The following RUFY4 variants were observed in gnomAD, a reference collection of about 807,000 sequenced individuals.
RUFY4 encodes RUN and FYVE domain containing 4.
In RUFY4, 73 loss-of-function variants were observed where a neutral mutation model predicts 69.0. That is an observed-to-expected ratio of 1.06 (90% CI 0.88 to 1.29). The LOEUF (loss-of-function observed/expected upper bound fraction) is 1.29, where lower values mean the gene tolerates loss of function less well. RUFY4 is among the 50% of genes most tolerant of loss of function. RUFY4 has a pLI of 0.00. For missense variants in RUFY4, 770 were observed against 705.6 expected, an observed-to-expected ratio of 1.09 and a Z score of -1.03; for synonymous variants, 287 against 271.8, an observed-to-expected ratio of 1.06 and a Z score of -0.55.
intron 8 of RUFY4, among the ~76,000 whole-genome samples, chr2:218,078,785 C>T (rs996852822): frequency 1.3e-5 from 2 of 152,170 alleles, no homozygotes; most frequent in African/African-American, 4.8e-5. Context: ...TTTCCCAGCT[C>T]TAGGTAACAC....
chr2:218,050,991 A>T (rs994453815), intron 2 of RUFY4, among the ~76,000 whole-genome samples: 26 of 152,226 alleles, frequency 1.7e-4, no homozygotes, highest in African/African-American at 6.3e-4. Context: ...AAGTTATGTT[A>T]AAGTAAGTGA....
intron 9 of RUFY4, among the ~76,000 whole-genome samples, chr2:218,087,262 G>C (rs1457732831): frequency 6.6e-6 from 1 of 151,998 alleles, no homozygotes; most frequent in Non-Finnish European, 1.5e-5. Context: ...ATGTAGAGAT[G>C]GAGCACTTGA....
intron 3 of RUFY4, chr2:218,059,929 A>G (rs1689143773): frequency 5.8e-6 from 1 of 171,138 alleles, no homozygotes; most frequent in Non-Finnish European, 1.4e-5. Context: ...ACAACATTTT[A>G]CATTCCCGCT....
intron 9 of RUFY4, among the ~76,000 whole-genome samples, chr2:218,085,186 A>G (rs1028792318): frequency 8.5e-5 from 13 of 152,210 alleles, no homozygotes; most frequent in Admixed American, 7.2e-4. Context: ...AAAGGGAAAG[A>G]CAGAGTAACT....
At chr2:218,064,580 C>G (rs1050501619), upstream of RUFY4, among the ~76,000 whole-genome samples, 1 of 152,148 alleles carries the variant, frequency 6.6e-6, no homozygotes, top group African/African-American at 2.4e-5. Flanking sequence ...GTTGGGGATA[C>G]AGGAGTGGCC....
chr2:218,067,976 C>A (rs1231099076), upstream of RUFY4, among the ~76,000 whole-genome samples: 1 of 152,220 alleles, frequency 6.6e-6, no homozygotes, highest in Admixed American at 6.5e-5. Flanking sequence ...TTACCCATCC[C>A]TGGTGATGCC....
chr2:218,085,706 C>A lies in RUFY4; in HGVS notation c.1502+2450C>A, dbSNP rs370144848. Among the ~76,000 whole-genome samples, 9 of 152,278 alleles carry A rather than the reference C, an allele frequency of 5.9e-5. No individual in the cohort carries two copies. The East Asian group carries it at 1.7e-3, about 29-fold the overall frequency. On this transcript the variant is annotated intron_variant, in intron 9 of 10. Coordinates refer to ENST00000344321, the Ensembl canonical transcript of RUFY4. ...GCCTGCCTCCCCACATGCAGAATATCCAGCACTCAGGGGCCTATCTCCCAA... is the reference window on the plus strand; with the variant it reads ...GCCTGCCTCCCCACATGCAGAATATACAGCACTCAGGGGCCTATCTCCCAA...
upstream of RUFY4, among the ~76,000 whole-genome samples, chr2:218,067,909 T>G (rs1370621192): frequency 6.6e-6 from 1 of 151,530 alleles, no homozygotes; most frequent in Non-Finnish European, 1.5e-5. Flanking sequence ...GGACATGGGG[T>G]GAAGCAAGGA....
chr2:218,063,524 G>A (rs1239019669), intron 3 of RUFY4, among the ~76,000 whole-genome samples: 1 of 152,208 alleles, frequency 6.6e-6, no homozygotes, highest in Non-Finnish European at 1.5e-5. Context: ...CCCCATCCTA[G>A]GGATATACCC....
chr2:218,071,021 C>T (rs942549200), intron 2 of RUFY4, among the ~76,000 whole-genome samples, 162 bp downstream of exon 4: 19 of 152,212 alleles, frequency 1.2e-4, no homozygotes, highest in African/African-American at 4.1e-4. Context: ...GAGTTTGTCA[C>T]TGCAGCCTAA....
At chr2:218,041,434 A>G (rs1688694563) in intron 2 of RUFY4, among the ~76,000 whole-genome samples, 1 of 152,220 alleles carries the variant, frequency 6.6e-6, no homozygotes, top group Non-Finnish European at 1.5e-5. Context: ...ATCTTTCTCC[A>G]TATATTTAGG....
intron 2 of RUFY4, among the ~76,000 whole-genome samples, chr2:218,051,792 T>C (rs551557102): frequency 1.3e-5 from 2 of 152,294 alleles, no homozygotes; most frequent in South Asian, 2.1e-4. Context: ...AGACTGGTCT[T>C]CTATGTTTGA....
chr2:218,072,512 A>G lies in RUFY4; in HGVS notation c.279+13A>G. On this transcript the variant is annotated intron_variant, in intron 3 of 10. Transcript: ENST00000344321. ...TTCCCAGGACAAGGTATCCAGGGCC[A>G]GGCAGCAAGAAGGCTGACGGGGTGG... The G allele has an allele frequency of 6.5e-7, 1 of 1,536,292 alleles. No homozygotes were observed. The highest frequency in any genetic ancestry group is 8.7e-7 in the Non-Finnish European group (1 of 1,146,810).
Position 218,072,889 on chromosome 2 carries a change from G to A in RUFY4, c.386+4G>A. The A allele has an allele frequency of 6.6e-7, 1 of 1,518,278 alleles. No individual in the cohort carries two copies. The highest frequency in any genetic ancestry group is 8.8e-7 in the Non-Finnish European group (1 of 1,138,128). The allele number at this position is 1,518,278 out of a possible 1,614,324, so 94.1% of individuals were successfully genotyped here. On this transcript the variant is annotated splice_donor_region_variant and intron_variant, in intron 4 of 10. Coordinates refer to ENST00000344321, the Ensembl canonical transcript of RUFY4. ...TCCTGAACTCAGAGCTCACCAGGTG[G>A]GGCTGTTGGGACATCCTCCTGCCGA... is the stretch of plus-strand genomic sequence containing the variant.
exon 2 of RUFY4, chr2:218,070,846 A>T: frequency 6.5e-7 from 1 of 1,536,086 alleles, no homozygotes; most frequent in South Asian, 1.2e-5. Context: ...GGCTGCCTGG[A>T]GCTGCTGCTG....
rs577276805 is a variant in RUFY4, at chr2:218,089,604, G to A, written c.1613+242G>A. On this transcript the variant is annotated intron_variant, in intron 10 of 10. Coordinates refer to ENST00000344321, the Ensembl canonical transcript of RUFY4. Reference sequence around the variant, plus strand: ...AGTGGGATTGGGTCCCCCTCCAAGAGCCGATTGAGAAATGGGCCTCTCATC... The same window carrying A: ...AGTGGGATTGGGTCCCCCTCCAAGAACCGATTGAGAAATGGGCCTCTCATC... 3.2e-5 allele frequency: 22 copies of A among 684,152 alleles called. No homozygotes were observed. The East Asian group carries it at 5.1e-4, about 16-fold the overall frequency. The allele number at this position is 684,152 out of a possible 1,614,324, so 42.4% of individuals were successfully genotyped here.
chr2:218,087,230 C>T (rs1478877108), intron 9 of RUFY4, among the ~76,000 whole-genome samples: 1 of 152,026 alleles, frequency 6.6e-6, no homozygotes, highest in African/African-American at 2.4e-5. Flanking sequence ...TTATGCTGTC[C>T]AGTATGGTAG....
chr2:218,035,928 G>A (rs1410880159), intron 2 of RUFY4, among the ~76,000 whole-genome samples: 1 of 152,206 alleles, frequency 6.6e-6, no homozygotes, highest in Admixed American at 6.5e-5. Flanking sequence ...GGGTGAGGCT[G>A]GGGGCCCTCC....
chr2:218,078,912 G>A (rs1689697755), intron 8 of RUFY4, among the ~76,000 whole-genome samples: 1 of 152,160 alleles, frequency 6.6e-6, no homozygotes, highest in Non-Finnish European at 1.5e-5. Flanking sequence ...TTGCTGCCCA[G>A]GCTGGAGTGC....
Sources: gnomAD v4.1 joint callset for allele counts (sites outside exome capture counted in the v4.1 genomes callset) on GRCh38, gnomAD v4.1.1 for gene constraint, MANE v1.5 for transcripts, NCBI Gene and HGNC (gene_info 2026-07-23, HGNC 2026-07-21) for gene names.